XRN2: variants seen among roughly 807,000 people sequenced by gnomAD.
The protein encoded by XRN2 is DHM1-like protein.
XRN2 carries 44 observed loss-of-function variants against 138.5 expected under a neutral mutation model. That is an observed-to-expected ratio of 0.32 (90% CI 0.25 to 0.41). XRN2 has a LOEUF of 0.41. Among genes scored for constraint, XRN2 ranks in the 10% least tolerant of loss-of-function variants. XRN2 has a pLI of 1.00. For synonymous variants in XRN2, 354 were observed against 369.4 expected (o/e 0.96, Z 0.48); for missense variants, 937 against 1,169.3 (o/e 0.80, Z 2.90).
chr20:21,328,775 A>G, intron 4 of XRN2, 105 bp downstream of exon 4: 1 of 980,584 alleles, frequency 1.0e-6, no homozygotes, highest in East Asian at 2.6e-5. Flanking sequence ...TAATTTAATA[A>G]GGATCCCAGA....
intron 6 of XRN2, 122 bp from the exon 7 acceptor site, chr20:21,331,439 C>CA: frequency 5.2e-6 from 3 of 574,082 alleles, no homozygotes; most frequent in Admixed American, 2.8e-5. Flanking sequence ...ACACACACAC[C>CA]CTTATTCAGA....
chr20:21,312,690 A>G (rs1384868815), intron 1 of XRN2, among the ~76,000 whole-genome samples: 1 of 150,062 alleles, frequency 6.7e-6, no homozygotes, highest in Non-Finnish European at 1.5e-5. Context: ...GCTCACTGCA[A>G]CCTCTGCCTC....
At chr20:21,388,083 G>A (rs1362179004) in intron 29 of XRN2, among the ~76,000 whole-genome samples, 2 of 152,340 alleles carry the variant, frequency 1.3e-5, no homozygotes, top group East Asian at 1.9e-4. Flanking sequence ...GCACTAGGCC[G>A]TTTCAGTGAT....
chr20:21,313,175 T>C (rs1455315851), intron 1 of XRN2, among the ~76,000 whole-genome samples: 1 of 152,238 alleles, frequency 6.6e-6, no homozygotes, highest in Non-Finnish European at 1.5e-5. Flanking sequence ...GTAAGTAATA[T>C]TGCAGTTCTT....
Position 21,333,946 on chromosome 20 carries a change from A to G in XRN2, c.1077A>G (p.Ala359=). The change falls in exon 12 of 30, where the codon GCA becomes GCG. Residue 359 remains alanine, a synonymous_variant. Transcript: ENST00000377191. ...HLPSLEIREN[A]IDRLVNIYKN... ...TGTCTCTTGCTGACAGGGAAAATGC[A>G]ATTGACCGTTTGGTTAACATATACA... The G allele has an allele frequency of 6.2e-7, 1 of 1,614,158 alleles. No individual in the cohort carries two copies. Among genetic ancestry groups the G allele is most frequent in the Non-Finnish European group, 8.5e-7 (1 of 1,180,004 alleles).
chr20:21,368,839 A>T (rs767568493), intron 27 of XRN2, among the ~76,000 whole-genome samples: 14 of 152,178 alleles, frequency 9.2e-5, no homozygotes, highest in Non-Finnish European at 1.6e-4. Flanking sequence ...TGACACAGGC[A>T]TACAATGAGT....
chr20:21,374,463 T>C (rs2038796706), intron 27 of XRN2, among the ~76,000 whole-genome samples: 2 of 152,172 alleles, frequency 1.3e-5, no homozygotes. Flanking sequence ...TTTTTCTGTG[T>C]AGATAACCTT....
Position 21,303,461 on chromosome 20 carries a change from C to G in XRN2, c.63C>G (p.Cys21Trp). ...SRKYPSIIVN[C>W]VEEKPKECNG... Reference sequence around the variant, plus strand: ...AGTACCCGTCCATCATAGTCAACTGCGTGGAAGAGAAGGTGAGGAGGCGCC... The same window carrying G: ...AGTACCCGTCCATCATAGTCAACTGGGTGGAAGAGAAGGTGAGGAGGCGCC... Residue 21 changes from cysteine (C) to tryptophan (W), a missense_variant, in exon 1 of 30, where the codon TGC becomes TGG. Around this residue, in one of 6 missense-constraint regions of XRN2, gnomAD observed 32 missense variants for 32.9 expected, o/e 0.97. Transcript: ENST00000377191. 1 of 1,544,764 alleles carries G rather than the reference C, an allele frequency of 6.5e-7. No individual in the cohort carries two copies. The highest frequency in any genetic ancestry group is 8.7e-7 in the Non-Finnish European group (1 of 1,145,012).
intron 1 of XRN2, among the ~76,000 whole-genome samples, chr20:21,308,188 G>A (rs1457916857): frequency 2.6e-5 from 4 of 151,678 alleles, no homozygotes; most frequent in East Asian, 1.9e-4. Flanking sequence ...TGCCTGCCTC[G>A]TCTTTTAATT....
chr20:21,344,003 A>G, intron 15 of XRN2, 87 bp from the exon 16 acceptor site: 1 of 928,542 alleles, frequency 1.1e-6, no homozygotes, highest in South Asian at 1.5e-5. Flanking sequence ...TTACTGTGAA[A>G]CATGGTAAGT....
At chr20:21,303,698 A>C in intron 1 of XRN2, 1 of 1,280,348 alleles carries the variant, frequency 7.8e-7, no homozygotes. Flanking sequence ...AAGGGCCTAT[A>C]GGGTTCCGAA....
intron 1 of XRN2, among the ~76,000 whole-genome samples, chr20:21,322,917 C>T (rs560660492): frequency 1.3e-4 from 20 of 152,334 alleles, no homozygotes; most frequent in Middle Eastern, 3.4e-3. Flanking sequence ...CTGTTCCTTC[C>T]TAGGCATTGT....
intron 1 of XRN2, among the ~76,000 whole-genome samples, chr20:21,310,489 G>A (rs2037864820): frequency 6.6e-6 from 1 of 152,110 alleles, no homozygotes; most frequent in Admixed American, 6.5e-5. Context: ...TTTATTAGGT[G>A]CATAAATGCT....
At chr20:21,367,799 T>G (rs566806192) in intron 26 of XRN2, among the ~76,000 whole-genome samples, 2 of 152,162 alleles carry the variant, frequency 1.3e-5, no homozygotes, top group Non-Finnish European at 2.9e-5. Flanking sequence ...TTTCCATTAT[T>G]TCAACTGTTT....
At chr20:21,348,106 T>G in intron 17 of XRN2, 40 bp from the exon 18 acceptor site, 1 of 1,550,634 alleles carries the variant, frequency 6.4e-7, no homozygotes, top group Non-Finnish European at 8.7e-7. Flanking sequence ...ATCATTAACA[T>G]AGGTTTTTGA....
At chr20:21,340,923 G>T (rs2038364270) in intron 15 of XRN2, 71 bp downstream of exon 15, 3 of 1,553,990 alleles carry the variant, frequency 1.9e-6, no homozygotes, top group African/African-American at 2.7e-5. Flanking sequence ...GGTGGTGTGT[G>T]TGTGAAATTT....
chr20:21,311,927 T>C (rs2037886655), intron 1 of XRN2, among the ~76,000 whole-genome samples: 1 of 152,080 alleles, frequency 6.6e-6, no homozygotes, highest in African/African-American at 2.4e-5. Context: ...CCTGGGATAC[T>C]GAGATTGTAG....
intron 24 of XRN2, among the ~76,000 whole-genome samples, chr20:21,361,520 A>G (rs1367452715): frequency 1.3e-5 from 2 of 152,234 alleles, no homozygotes; most frequent in African/African-American, 4.8e-5. Flanking sequence ...TCAGCTGGTC[A>G]GACTGTTGAG....
chr20:21,319,493 T>C lies in XRN2; in HGVS notation c.76-6786T>C, dbSNP rs200338916. Among the ~76,000 whole-genome samples the C allele has an allele frequency of 2.0e-4, 30 of 152,230 alleles. No individual in the cohort carries two copies. In the East Asian group the frequency reaches 4.2e-3, roughly 22 times the overall value. ...TGCAATGAGAGGATATTTTCTAATA[T>C]AGCATTCAAATTTTTTTCTTTTCTT... On this transcript the variant is annotated intron_variant, in intron 1 of 29. Coordinates refer to ENST00000377191, the MANE Select transcript of XRN2 (RefSeq NM_012255.5).
Sources: allele counts gnomAD v4.1 joint callset (sites outside exome capture counted in the v4.1 genomes callset), GRCh38; gene constraint gnomAD v4.1.1; regional missense constraint gnomAD v4.1.1; transcripts MANE v1.5; gene names NCBI Gene and HGNC (gene_info 2026-07-23, HGNC 2026-07-21).